The following NLK variants were observed in gnomAD, a reference collection of about 807,000 sequenced individuals.
NLK encodes the protein serine/threonine-protein kinase NLK.
A neutral mutation model predicts 59.0 loss-of-function variants in NLK; 11 were observed. The observed-to-expected ratio is 0.19, with a 90% confidence interval of 0.12 to 0.31. The LOEUF is 0.31. Ranked by LOEUF, NLK falls within the 10% of genes least tolerant of loss-of-function variation. NLK has a pLI of 1.00. For missense variants in NLK, 410 were observed against 661.1 expected, an observed-to-expected ratio of 0.62 and a Z score of 4.16; for synonymous variants, 235 against 235.9, an observed-to-expected ratio of 1.00 and a Z score of 0.03.
Position 28,161,274 on chromosome 17 carries a change from T to A in NLK, c.751+8T>A. ...TTTATCAGATTTTGCGAGGTAAGAT[T>A]TCTTTATGAAGAAAAAGGTGCTGTC... is the stretch of plus-strand genomic sequence containing the variant. On this transcript the variant is annotated splice_region_variant and intron_variant, in intron 4 of 10. Transcript: ENST00000407008. 6.6e-7 allele frequency: 1 copy of A among 1,524,118 alleles called. No individual in the cohort carries two copies. Among genetic ancestry groups the A allele is most frequent in the Non-Finnish European group, 9.1e-7 (1 of 1,098,292 alleles). The allele number at this position is 1,524,118 out of a possible 1,614,324, so 94.4% of individuals were successfully genotyped here.
At chr17:28,179,044 T>A (rs557898069) in intron 7 of NLK, among the ~76,000 whole-genome samples, 1 of 152,302 alleles carries the variant, frequency 6.6e-6, no homozygotes, top group Non-Finnish European at 1.5e-5. Flanking sequence ...TTAATCATAG[T>A]CATTAATAGA....
At chr17:28,114,061 A>T (rs1033710393) in intron 1 of NLK, among the ~76,000 whole-genome samples, 1 of 152,184 alleles carries the variant, frequency 6.6e-6, no homozygotes, top group Admixed American at 6.6e-5. Flanking sequence ...TGCATATAGC[A>T]GTAGTTCATT....
At chr17:28,104,716 G>T (rs1481735799) in intron 1 of NLK, among the ~76,000 whole-genome samples, 1 of 152,128 alleles carries the variant, frequency 6.6e-6, no homozygotes, top group Non-Finnish European at 1.5e-5. Context: ...ATTAAAAAAT[G>T]AGGATCCATG....
chr17:28,198,609 G>C (rs1909544453), downstream of NLK, among the ~76,000 whole-genome samples: 1 of 152,166 alleles, frequency 6.6e-6, no homozygotes, highest in Non-Finnish European at 1.5e-5. Flanking sequence ...ACAGGCGTGA[G>C]CCACCGTGCC....
rs146705461 is a variant in NLK at position 28,191,171 on chromosome 17, T to G, written c.1387T>G (p.Phe463Val). The G allele has an allele frequency of 1.1e-5, 18 of 1,613,146 alleles. No individual in the cohort carries two copies. Among genetic ancestry groups the G allele is most frequent in the Non-Finnish European group, 1.5e-5 (18 of 1,179,658 alleles). The change falls in exon 9 of 11, where the codon TTT becomes GTT. Residue 463 changes from phenylalanine to valine, a missense_variant. By Grantham distance (50) the Phe-to-Val change is conservative. Around this residue, in one of 5 missense-constraint regions of NLK, gnomAD observed 150 missense variants for 244.3 expected, o/e 0.61. Transcript: ENST00000407008. ...CTTTGAGCCTGTCACCAATCCCAAA[T>G]TTGATGACACTTTCGAGAAGAACCT... ...SDFEPVTNPKFDDTFEKNLSS... is the reference protein window; with the variant it reads ...SDFEPVTNPKVDDTFEKNLSS...
At chr17:28,111,592 A>C (rs1273436197) in intron 1 of NLK, among the ~76,000 whole-genome samples, 1 of 152,220 alleles carries the variant, frequency 6.6e-6, no homozygotes, top group East Asian at 1.9e-4. Flanking sequence ...ACAGTGTAAC[A>C]GCTCTGGTTC....
chr17:28,174,206 A>T (rs1398829639), intron 7 of NLK, among the ~76,000 whole-genome samples: 1 of 149,802 alleles, frequency 6.7e-6, no homozygotes, highest in Non-Finnish European at 1.5e-5. Context: ...TCCATGAAAT[A>T]AAAAAAGGGT....
At chr17:28,175,019 T>C (rs755207815) in intron 7 of NLK, among the ~76,000 whole-genome samples, 14 of 151,836 alleles carry the variant, frequency 9.2e-5, no homozygotes, top group Non-Finnish European at 1.8e-4. Context: ...AAAAGATTAA[T>C]TTGGTCTTTG....
At chr17:28,127,307 A>G (rs1906329361) in intron 2 of NLK, among the ~76,000 whole-genome samples, 1 of 152,138 alleles carries the variant, frequency 6.6e-6, no homozygotes, top group Admixed American at 6.5e-5. Flanking sequence ...AGCTTCATTC[A>G]TTTTCCTTTG....
At chr17:28,177,945 G>A (rs912251111) in intron 7 of NLK, among the ~76,000 whole-genome samples, 4 of 151,994 alleles carry the variant, frequency 2.6e-5, no homozygotes, top group African/African-American at 7.3e-5. Context: ...AAATCACATC[G>A]ATATTCAAAG....
chr17:28,142,138 A>C lies in NLK; in HGVS notation c.644+9463A>C, dbSNP rs375198531. On this transcript the variant is annotated intron_variant, in intron 3 of 10. Coordinates refer to ENST00000407008, the MANE Select transcript of NLK (RefSeq NM_016231.5). The stretch of plus-strand genomic sequence containing the variant: ...ATACATGGTTATAGCCTTAGTGAAA[A>C]ATACTCATCTGACAGACCTTATGGA... 1.8e-3 allele frequency among the ~76,000 whole-genome samples: 280 copies of C among 152,324 alleles called. 1 individual carries two copies. The highest frequency in any genetic ancestry group is 6.4e-3 in the African/African-American group (264 of 41,574).
At chr17:28,101,768 A>G (rs2142791221) in intron 1 of NLK, among the ~76,000 whole-genome samples, 1 of 152,138 alleles carries the variant, frequency 6.6e-6, no homozygotes, top group African/African-American at 2.4e-5. Context: ...TTCATATGCC[A>G]TTTATTTATT....
intron 8 of NLK, among the ~76,000 whole-genome samples, chr17:28,187,130 T>G (rs1423905061): frequency 2.6e-5 from 4 of 152,184 alleles, no homozygotes; most frequent in Non-Finnish European, 4.4e-5. Context: ...CATAGAGGAT[T>G]TTATAAAGGG....
intron 1 of NLK, among the ~76,000 whole-genome samples, chr17:28,121,867 C>A (rs1719330803): frequency 6.6e-6 from 1 of 151,846 alleles, no homozygotes; most frequent in Non-Finnish European, 1.5e-5. Context: ...AAACCACACT[C>A]CTATTTCAAA....
chr17:28,074,586 G>A (rs778535720), intron 1 of NLK, among the ~76,000 whole-genome samples: 4 of 152,008 alleles, frequency 2.6e-5, no homozygotes, highest in African/African-American at 9.7e-5. Context: ...TAATTATTTC[G>A]TGGCCATTAT....
intron 1 of NLK, among the ~76,000 whole-genome samples, chr17:28,052,523 C>T (rs958246283): frequency 3.3e-5 from 5 of 152,238 alleles, no homozygotes; most frequent in Non-Finnish European, 5.9e-5. Flanking sequence ...CTTCCTAAAG[C>T]TCTTGTCCAA....
At chr17:28,137,541 T>A (rs1230168653) in intron 3 of NLK, among the ~76,000 whole-genome samples, 2 of 152,136 alleles carry the variant, frequency 1.3e-5, no homozygotes, top group Non-Finnish European at 2.9e-5. Context: ...CTTTTAAACC[T>A]AATATAATAG....
At chr17:28,187,229 A>G (rs540946673) in intron 8 of NLK, among the ~76,000 whole-genome samples, 1 of 152,288 alleles carries the variant, frequency 6.6e-6, no homozygotes, top group East Asian at 1.9e-4. Flanking sequence ...CACCTCTACC[A>G]GGTGTGCATA....
intron 1 of NLK, among the ~76,000 whole-genome samples, chr17:28,081,298 G>A (rs1313841003): frequency 6.6e-6 from 1 of 151,790 alleles, no homozygotes; most frequent in Non-Finnish European, 1.5e-5. Flanking sequence ...GACCTTCCAG[G>A]CTCAAGTCTC....
Sources: gnomAD v4.1 joint callset for allele counts (sites outside exome capture counted in the v4.1 genomes callset) on GRCh38, gnomAD v4.1.1 for gene constraint, gnomAD v4.1.1 regional missense constraint, MANE v1.5 for transcripts, NCBI Gene and HGNC (gene_info 2026-07-23, HGNC 2026-07-21) for gene names.